VWA3A: variants seen among roughly 807,000 people sequenced by gnomAD.
VWA3A encodes von Willebrand factor A domain containing 3A.
Under a neutral mutation model 160.4 loss-of-function variants are expected in VWA3A, and 134 were observed. The observed-to-expected ratio is 0.84, with a 90% CI of 0.73 to 0.96. The LOEUF (loss-of-function observed/expected upper bound fraction) is 0.96, where lower values mean the gene tolerates loss of function less well. Ranked by LOEUF, VWA3A falls within the 40% of genes least tolerant of loss-of-function variation. The pLI, the probability that VWA3A is intolerant of heterozygous loss-of-function variation, is 0.00. For synonymous variants in VWA3A, 476 were observed against 543.4 expected (o/e 0.88, Z 1.72); for missense variants, 1,310 against 1,447.9 (o/e 0.90, Z 1.55).
At chr16:22,105,567 C>A (rs1485215883) in intron 6 of VWA3A, among the ~76,000 whole-genome samples, 1 of 152,234 alleles carries the variant, frequency 6.6e-6, no homozygotes, top group Non-Finnish European at 1.5e-5. Flanking sequence ...CTAATTTTAA[C>A]TATTTTTCAA....
intron 8 of VWA3A, among the ~76,000 whole-genome samples, chr16:22,111,308 T>C (rs1353145740): frequency 6.6e-6 from 1 of 152,108 alleles, no homozygotes; most frequent in African/African-American, 2.4e-5. Flanking sequence ...TGATAAATAA[T>C]AGCAAATGAG....
intron 11 of VWA3A, among the ~76,000 whole-genome samples, chr16:22,118,034 G>A (rs1282584837): frequency 6.6e-6 from 1 of 152,168 alleles, no homozygotes; most frequent in Non-Finnish European, 1.5e-5. Context: ...TAATCCTAGT[G>A]CTTTGGAAGG....
intron 31 of VWA3A, among the ~76,000 whole-genome samples, chr16:22,154,171 C>G (rs542154710): frequency 4.6e-5 from 7 of 152,116 alleles, no homozygotes; most frequent in African/African-American, 1.4e-4. Flanking sequence ...CCCAAGCGTC[C>G]TTATTACACA....
Position 22,138,376 on chromosome 16 carries a change from C to G in VWA3A, c.2156C>G (p.Ala719Gly). Residue 719 changes from alanine (A) to glycine (G), a missense_variant, in exon 22 of 34, where the codon GCC becomes GGC. Transcript: ENST00000389398. ...NYSQKCAFLM[A>G]SLKNHSGKVL... is the part of the protein sequence containing the mutation. ...CCACTGCAGTGTGCCTTCCTCATGG[C>G]CTCCCTGAAGAACCATTCAGGAAAA... 6.3e-7 allele frequency: 1 copy of G among 1,597,804 alleles called. No homozygotes were observed.
rs1006457949 is a variant in VWA3A, at chr16:22,142,847, G to C, written c.2592+82G>C. 11 of 1,077,202 alleles carry C rather than the reference G, an allele frequency of 1.0e-5. No individual in the cohort carries two copies. In the East Asian group the frequency reaches 1.1e-4, roughly 11 times the overall value. The allele number at this position is 1,077,202 out of a possible 1,614,324, so 66.7% of individuals were successfully genotyped here. ...CCAACCATTACTTCTAGGATGGGGGGGCATAATCAGAAATGAGAACAAGCC... is the reference window on the plus strand; with the variant it reads ...CCAACCATTACTTCTAGGATGGGGGCGCATAATCAGAAATGAGAACAAGCC... On this transcript the variant is annotated intron_variant, in intron 25 of 33. Coordinates refer to ENST00000389398, the MANE Select transcript of VWA3A (RefSeq NM_173615.5).
intron 19 of VWA3A, among the ~76,000 whole-genome samples, chr16:22,132,275 C>A (rs1056534930): frequency 4.0e-5 from 6 of 151,248 alleles, no homozygotes; most frequent in African/African-American, 1.5e-4. Flanking sequence ...CCCAGCTACT[C>A]GGGAGGCTGA....
At chr16:22,133,421 G>A (rs1344486063) in intron 20 of VWA3A, among the ~76,000 whole-genome samples, 3 of 152,064 alleles carry the variant, frequency 2.0e-5, no homozygotes, top group Admixed American at 6.6e-5. Context: ...AGAGGCCAAC[G>A]TGGTCAGATC....
Position 22,109,583 on chromosome 16 carries a change from A to G in VWA3A, c.582+3A>G. The G allele has an allele frequency of 6.2e-7, 1 of 1,612,912 alleles. No homozygotes were observed. ...AAGAGTTCCAAAAGGACCTCATGGT[A>G]AGTCTGTCTGGCACAGAGAAACACC... On this transcript the variant is annotated splice_donor_region_variant and intron_variant, in intron 7 of 33. Transcript: ENST00000389398.
intron 5 of VWA3A, among the ~76,000 whole-genome samples, chr16:22,102,950 T>G (rs1171378852): frequency 2.0e-5 from 3 of 152,208 alleles, no homozygotes; most frequent in Non-Finnish European, 4.4e-5. Flanking sequence ...CAAACCGTTG[T>G]CATTTATCCT....
Position 22,116,803 on chromosome 16 carries a change from C to T in VWA3A, c.860C>T (p.Ser287Phe), listed in dbSNP as rs1344501131. ...SEILSDYIQQ[S>F]TMGRDLIIHF... ...ATCCTGTCTGACTACATCCAGCAGT[C>T]CACCATGGGAAGAGACCTCATCATC... Residue 287 changes from serine (S) to phenylalanine (F), a missense_variant, in exon 10 of 34, where the codon TCC (serine) becomes TTC (phenylalanine). By Grantham distance (155) the Ser-to-Phe change is radical. Coordinates refer to ENST00000389398, the MANE Select transcript of VWA3A (RefSeq NM_173615.5). 6.2e-7 allele frequency: 1 copy of T among 1,613,590 alleles called. No homozygotes were observed. The highest frequency in any genetic ancestry group is 8.5e-7 in the Non-Finnish European group (1 of 1,179,888).
intron 17 of VWA3A, among the ~76,000 whole-genome samples, chr16:22,128,503 A>G (rs1235121134): frequency 6.6e-6 from 1 of 152,212 alleles, no homozygotes; most frequent in Admixed American, 6.5e-5. Context: ...TAGTTCAACC[A>G]TTGTGGAAAG....
chr16:22,131,103 C>A, intron 17 of VWA3A, 102 bp from the exon 18 acceptor site: 1 of 1,000,426 alleles, frequency 1.0e-6, no homozygotes, highest in Non-Finnish European at 1.5e-6. Flanking sequence ...TAGGGGATCT[C>A]ATCAGAATTT....
chr16:22,125,685 A>T (rs564017554), intron 16 of VWA3A, among the ~76,000 whole-genome samples: 1 of 152,150 alleles, frequency 6.6e-6, no homozygotes, highest in South Asian at 2.1e-4. Context: ...GGCCTCCCAG[A>T]GTGCTGGGAT....
At chr16:22,119,093 T>A in intron 12 of VWA3A, 66 bp downstream of exon 12, 1 of 1,518,426 alleles carries the variant, frequency 6.6e-7, no homozygotes, top group Non-Finnish European at 8.9e-7. Context: ...TCGTTCCCCT[T>A]TCTCACCTGT....
chr16:22,130,569 A>C (rs2045929983), intron 17 of VWA3A, among the ~76,000 whole-genome samples: 1 of 152,186 alleles, frequency 6.6e-6, no homozygotes. Context: ...TCTGTCTTAC[A>C]GGACAAATGA....
chr16:22,132,160 G>A (rs540537842), intron 19 of VWA3A, among the ~76,000 whole-genome samples: 2 of 152,236 alleles, frequency 1.3e-5, no homozygotes, highest in Admixed American at 6.5e-5. Flanking sequence ...GAGGCAGGCA[G>A]ATCACCTGAG....
chr16:22,140,112 C>A, intron 22 of VWA3A, 42 bp from the exon 23 acceptor site: 1 of 1,590,062 alleles, frequency 6.3e-7, no homozygotes, highest in Non-Finnish European at 8.6e-7. Flanking sequence ...CTGCGTGACA[C>A]AGGGAACACT....
At chr16:22,148,138 T>C in intron 27 of VWA3A, 24 bp from the exon 28 acceptor site, 1 of 1,579,568 alleles carries the variant, frequency 6.3e-7, no homozygotes, top group African/African-American at 1.3e-5. Context: ...CCTCCCTGCC[T>C]CTTCCCCACC....
chr16:22,104,677 T>C lies in VWA3A; in HGVS notation c.483+1148T>C, dbSNP rs74207340. Among the ~76,000 whole-genome samples, 251 of 151,978 alleles carry C rather than the reference T, an allele frequency of 1.7e-3. 4 individuals carry two copies. The East Asian group carries it at 0.044, about 27-fold the overall frequency. ...CCTGGGCAACAGAGCAAGACTTGTCTTTTAAAAAAAAAAAATTTTTTTTAA... is the reference window on the plus strand; with the variant it reads ...CCTGGGCAACAGAGCAAGACTTGTCCTTTAAAAAAAAAAAATTTTTTTTAA... On this transcript the variant is annotated intron_variant, in intron 6 of 33. Transcript: ENST00000389398.
Sources: allele counts gnomAD v4.1 joint callset (sites outside exome capture counted in the v4.1 genomes callset), GRCh38; gene constraint gnomAD v4.1.1; transcripts MANE v1.5; gene names NCBI Gene and HGNC (gene_info 2026-07-23, HGNC 2026-07-21).